The following TRIM59 variants were observed in gnomAD, a reference collection of about 807,000 sequenced individuals.
TRIM59 encodes tripartite motif containing 59.
Under a neutral mutation model 32.2 loss-of-function variants are expected in TRIM59, and 14 were observed. That is an observed-to-expected ratio of 0.43 (90% CI 0.29 to 0.68). TRIM59 has a LOEUF of 0.68. TRIM59 is among the 30% of genes least tolerant of loss of function. TRIM59 has a pLI of 0.15. For missense variants in TRIM59, 471 were observed against 463.3 expected (o/e 1.02, Z -0.15); for synonymous variants, 163 against 155.1 (o/e 1.05, Z -0.38).
intron 2 of TRIM59, among the ~76,000 whole-genome samples, chr3:160,444,546 T>C (rs1434532479): frequency 2.6e-5 from 4 of 152,218 alleles, no homozygotes; most frequent in African/African-American, 9.6e-5. Context: ...ATAATGTGAC[T>C]TTGCTGCTAC....
Position 160,449,718 on chromosome 3 carries a change from G to A in TRIM59, c.-75C>T. Reference sequence around the variant, plus strand: ...ATCCGTAAAGGTCCTTAGACTCACCGCGGGGAGGAAGCGGACCAGGCAACT... The same window carrying A: ...ATCCGTAAAGGTCCTTAGACTCACCACGGGGAGGAAGCGGACCAGGCAACT... On this transcript the variant is annotated splice_region_variant and 5_prime_UTR_variant, in exon 1 of 3. Coordinates refer to ENST00000309784, the MANE Select transcript of TRIM59 (RefSeq NM_173084.3). The A allele has an allele frequency of 2.3e-6, 3 of 1,289,984 alleles. No individual in the cohort carries two copies. In the South Asian group the frequency reaches 3.7e-5, roughly 16 times the overall value. The allele number at this position is 1,289,984 out of a possible 1,614,324, so 79.9% of individuals were successfully genotyped here. A position where few individuals can be genotyped will look rare whatever the true frequency, so the allele number is the denominator to read the frequency against.
Position 160,438,179 on chromosome 3 carries a change from AACT to A in TRIM59, c.1002_1004del (p.Val335del). On this transcript the variant is annotated inframe_deletion, in exon 3 of 3. Coordinates refer to ENST00000309784, the MANE Select transcript of TRIM59 (RefSeq NM_173084.3). ...ACATCAGTATTACTGAAATTAATGT[AACT>A]ACAACAATGTTTAAAATTTTTAAAA... 1 of 1,612,752 alleles carries A rather than the reference AACT, an allele frequency of 6.2e-7. No homozygotes were observed. The highest frequency in any genetic ancestry group is 1.1e-5 in the South Asian group (1 of 90,710).
At chr3:160,441,218 T>C (rs1242703665) in intron 2 of TRIM59, among the ~76,000 whole-genome samples, 1 of 152,214 alleles carries the variant, frequency 6.6e-6, no homozygotes, top group Non-Finnish European at 1.5e-5. Flanking sequence ...AACTTTTCTG[T>C]ATACATTAGA....
Position 160,435,933 on chromosome 3 carries a change from A to G in TRIM59, c.*2039T>C, listed in dbSNP as rs1718917324. The G allele has an allele frequency of 3.9e-6, 5 of 1,283,040 alleles. No individual in the cohort carries two copies. The highest frequency in any genetic ancestry group is 5.1e-6 in the Non-Finnish European group (5 of 984,990). The allele number at this position is 1,283,040 out of a possible 1,614,324, so 79.5% of individuals were successfully genotyped here. ...TAAAAATATTCACATCACAGAAATG[A>G]GATTAAGTAGTTTAACACATAATGG... On this transcript the variant is annotated 3_prime_UTR_variant, in exon 3 of 3. Transcript: ENST00000309784.
chr3:160,447,560 C>T (rs960506876), intron 2 of TRIM59, among the ~76,000 whole-genome samples: 5 of 152,176 alleles, frequency 3.3e-5, no homozygotes, highest in African/African-American at 1.2e-4. Context: ...AGGTAATAGA[C>T]AGTATAATAG....
rs1000184579 is a variant in TRIM59 at position 160,438,498 on chromosome 3, C to T, written c.686G>A (p.Arg229Gln). 7.4e-6 allele frequency: 12 copies of T among 1,612,564 alleles called. No homozygotes were observed. The highest frequency in any genetic ancestry group is 5.3e-5 in the African/African-American group (4 of 74,908). ...TPQIERMKEI[R>Q]EQQLELMALT... ...TGCCATTAATTCAAGCTGCTGCTCTCGTATTTCCTTCATTCTTTCAATTTG... is the reference window on the plus strand; with the variant it reads ...TGCCATTAATTCAAGCTGCTGCTCTTGTATTTCCTTCATTCTTTCAATTTG... Residue 229 changes from arginine to glutamine, a missense_variant, in exon 3 of 3, where the codon CGA becomes CAA. Transcript: ENST00000309784.
At chr3:160,440,263 G>A (rs1028828552) in intron 2 of TRIM59, among the ~76,000 whole-genome samples, 11 of 152,178 alleles carry the variant, frequency 7.2e-5, no homozygotes, top group Admixed American at 2.0e-4. Flanking sequence ...TATAGTAACT[G>A]TGAATTAATT....
In TRIM59 at chr3:160,446,820, G is replaced by A. The variant is rs567058564; in HGVS notation, c.-4+1906C>T. On this transcript the variant is annotated intron_variant, in intron 2 of 2. Transcript: ENST00000309784. ...GTGAACCCTACTGTGAACTGCGCAC[G>A]CGAGGGATCTAGGTTGTGGCTCACT... 2.0e-5 allele frequency among the ~76,000 whole-genome samples: 3 copies of A among 152,280 alleles called. No homozygotes were observed. In the East Asian group the frequency reaches 5.8e-4, roughly 29 times the overall value.
At chr3:160,440,699 G>T (rs1363225674) in intron 2 of TRIM59, among the ~76,000 whole-genome samples, 1 of 152,006 alleles carries the variant, frequency 6.6e-6, no homozygotes, top group Non-Finnish European at 1.5e-5. Context: ...ATCACCTGAG[G>T]TTGGGAGTTT....
chr3:160,436,505 A>AT lies in TRIM59; in HGVS notation c.*1466dup, dbSNP rs1365333715. On this transcript the variant is annotated 3_prime_UTR_variant, in exon 3 of 3. Coordinates refer to ENST00000309784, the MANE Select transcript of TRIM59 (RefSeq NM_173084.3). ...CCCTCTTAAGCAAAGCTAATAAAAG[A>AT]TTAAGTTGTTGGGCCGGGCGTGGCG... 1.2e-5 allele frequency: 12 copies of AT among 985,696 alleles called. No homozygotes were observed. The highest frequency in any genetic ancestry group is 1.3e-5 in the Non-Finnish European group (11 of 830,016). The allele number at this position is 985,696 out of a possible 1,614,324, so 61.1% of individuals were successfully genotyped here.
Position 160,437,998 on chromosome 3 carries a change from A to ATAGT in TRIM59, c.1185_1186insACTA (p.Phe396ThrfsTer15). ...CAATGGGAAACTATTTTCCACACAA[A>ATAGT]TTCCTTCAACAAATAGAAAATGTGA... On this transcript the variant is annotated frameshift_variant, in exon 3 of 3. Coordinates refer to ENST00000309784, the MANE Select transcript of TRIM59 (RefSeq NM_173084.3). LOFTEE classifies it high-confidence loss of function. 6.4e-7 allele frequency: 1 copy of ATAGT among 1,555,398 alleles called. No homozygotes were observed. Among genetic ancestry groups the ATAGT allele is most frequent in the East Asian group, 2.3e-5 (1 of 44,330 alleles).
chr3:160,438,889 C>G lies in TRIM59; in HGVS notation c.295G>C (p.Glu99Gln). The G allele has an allele frequency of 6.2e-7, 1 of 1,613,998 alleles. No homozygotes were observed. Among genetic ancestry groups the G allele is most frequent in the Non-Finnish European group, 8.5e-7 (1 of 1,179,938 alleles). The change falls in exon 3 of 3, where the codon GAA (glutamate) becomes CAA (glutamine). Residue 99 changes from glutamate (E) to glutamine (Q), a missense_variant. Glu to Gln is a conservative substitution (Grantham distance 29). Coordinates refer to ENST00000309784, the MANE Select transcript of TRIM59 (RefSeq NM_173084.3). ...EDHPDIVTCP[E>Q]HYRQPLNVYC... ...ACATTTAATGGTTGCCTGTAATGTT[C>G]AGGGCAGGTGACAATATCTGGATGG...
intron 2 of TRIM59, among the ~76,000 whole-genome samples, chr3:160,443,065 G>A (rs1259670281): frequency 6.6e-6 from 1 of 152,098 alleles, no homozygotes; most frequent in Non-Finnish European, 1.5e-5. Context: ...GCTGCAGTGA[G>A]CCACGACTGT....
intron 2 of TRIM59, among the ~76,000 whole-genome samples, chr3:160,440,207 GAATT>G (rs778548871): frequency 1.8e-4 from 27 of 152,104 alleles, no homozygotes; most frequent in Non-Finnish European, 2.5e-4. Flanking sequence ...GAAAAATTTT[GAATT>G]AATTCTTATA....
Position 160,436,594 on chromosome 3 carries a change from A to C in TRIM59, c.*1378T>G. On this transcript the variant is annotated 3_prime_UTR_variant, in exon 3 of 3. Transcript: ENST00000309784. ...CGAGTGGATCATGAGGTCAGGAGAT[A>C]GAGACCATCCTGGCTAACACAGTGA... The C allele has an allele frequency of 1.2e-6, 1 of 854,952 alleles. No individual in the cohort carries two copies. Among genetic ancestry groups the C allele is most frequent in the Non-Finnish European group, 1.4e-6 (1 of 710,690 alleles). The allele number at this position is 854,952 out of a possible 1,614,324, so 53.0% of individuals were successfully genotyped here. A position where few individuals can be genotyped will look rare whatever the true frequency, so the allele number is the denominator to read the frequency against.
In TRIM59 at chr3:160,437,654, A is replaced by G; in HGVS notation, c.*318T>C. 5.9e-6 allele frequency: 6 copies of G among 1,012,980 alleles called. No homozygotes were observed. The highest frequency in any genetic ancestry group is 4.9e-4 in the Middle Eastern group (1 of 2,032). 62.7% of individuals were successfully genotyped at this position (1,012,980 alleles called of 1,614,324 possible). ...CTGTAAAGCCAATTAACTGCAGTAT[A>G]TAATAATGGTAAAAGACAATATTGG... On this transcript the variant is annotated 3_prime_UTR_variant, in exon 3 of 3. Transcript: ENST00000309784.
chr3:160,438,566 A>G lies in TRIM59; in HGVS notation c.618T>C (p.Ala206=). 1 of 1,610,984 alleles carries G rather than the reference A, an allele frequency of 6.2e-7. No individual in the cohort carries two copies. Among genetic ancestry groups the G allele is most frequent in the East Asian group, 2.2e-5 (1 of 44,864 alleles). Residue 206 remains alanine (A), a synonymous_variant, in exon 3 of 3, where the codon GCT becomes GCC. Transcript: ENST00000309784. ...LEQKKKSFLT[A]LCDVGNLINQ... ...TAATTAGATTGCCAACATCACAGAG[A>G]GCCGTTAGGAAACTTTTTTTTTTCT...
rs544558317 is a variant in TRIM59, at chr3:160,437,496, G to A, written c.*476C>T. 2.0e-6 allele frequency: 2 copies of A among 985,446 alleles called. No homozygotes were observed. Among genetic ancestry groups the A allele is most frequent in the Admixed American group, 6.1e-5 (1 of 16,278 alleles). The allele number at this position is 985,446 out of a possible 1,614,324, so 61.0% of individuals were successfully genotyped here. ...TTTGATCAAAAGATCTTTAAGCCAT[G>A]CCTTATCACTTTAAGACTTTGTTGC... On this transcript the variant is annotated 3_prime_UTR_variant, in exon 3 of 3. Coordinates refer to ENST00000309784, the MANE Select transcript of TRIM59 (RefSeq NM_173084.3).
intron 2 of TRIM59, among the ~76,000 whole-genome samples, chr3:160,445,386 G>A (rs1719475537): frequency 6.6e-6 from 1 of 152,020 alleles, no homozygotes; most frequent in South Asian, 2.1e-4. Flanking sequence ...TCGTTCCACT[G>A]CATTCCAGCC....
Sources: allele counts gnomAD v4.1 joint callset (sites outside exome capture counted in the v4.1 genomes callset), GRCh38; gene constraint gnomAD v4.1.1; transcripts MANE v1.5; gene names NCBI Gene and HGNC (gene_info 2026-07-23, HGNC 2026-07-21).